CLSTN2: variants seen among roughly 807,000 people sequenced by gnomAD.
CLSTN2 encodes calsyntenin-2.
In CLSTN2, 48 loss-of-function variants were observed where a neutral mutation model predicts 101.2. That is an observed-to-expected ratio of 0.47 (90% CI 0.38 to 0.60). The LOEUF is 0.60. CLSTN2 is among the 20% of genes least tolerant of loss of function. CLSTN2 has a pLI of 0.00. For synonymous variants in CLSTN2, 481 were observed against 463.6 expected (o/e 1.04, Z -0.48); for missense variants, 1,160 against 1,238.2 (o/e 0.94, Z 0.95).
chr3:140,358,011 A>G (rs958315739), intron 2 of CLSTN2, among the ~76,000 whole-genome samples: 2 of 152,140 alleles, frequency 1.3e-5, no homozygotes, highest in African/African-American at 2.4e-5. Flanking sequence ...ACACTGAGGG[A>G]GGCTACTCAT....
chr3:140,334,008 G>A (rs1382057650), intron 2 of CLSTN2, among the ~76,000 whole-genome samples: 2 of 152,164 alleles, frequency 1.3e-5, no homozygotes, highest in African/African-American at 4.8e-5. Flanking sequence ...CTGTTGTTAT[G>A]GAAAGAGCAA....
At chr3:140,246,982 C>G (rs527738678) in intron 2 of CLSTN2, among the ~76,000 whole-genome samples, 2 of 152,086 alleles carry the variant, frequency 1.3e-5, no homozygotes, top group Non-Finnish European at 2.9e-5. Flanking sequence ...TCCTGGTGCT[C>G]AATACCTGGG....
intron 1 of CLSTN2, among the ~76,000 whole-genome samples, chr3:139,980,127 CT>C (rs1935890726): frequency 6.6e-6 from 1 of 152,088 alleles, no homozygotes; most frequent in African/African-American, 2.4e-5. Flanking sequence ...TCCTGATAGT[CT>C]CTTTGTTCCC....
At chr3:140,160,702 T>C (rs1275342682) in intron 1 of CLSTN2, among the ~76,000 whole-genome samples, 2 of 152,116 alleles carry the variant, frequency 1.3e-5, no homozygotes, top group African/African-American at 4.8e-5. Flanking sequence ...CAAAATTCTC[T>C]TGGTCAACCA....
At chr3:140,435,793 T>C (rs2088680305) in intron 5 of CLSTN2, among the ~76,000 whole-genome samples, 1 of 152,228 alleles carries the variant, frequency 6.6e-6, no homozygotes, top group East Asian at 1.9e-4. Context: ...CTCATTGCAG[T>C]TATGATTTGC....
At chr3:140,480,123 G>A (rs1277310204) in intron 8 of CLSTN2, among the ~76,000 whole-genome samples, 4 of 149,162 alleles carry the variant, frequency 2.7e-5, no homozygotes, top group Non-Finnish European at 5.9e-5. Context: ...AGGCCCCAGT[G>A]TGTGATGTTC....
chr3:140,159,925 A>G (rs1317268873), intron 1 of CLSTN2, among the ~76,000 whole-genome samples: 1 of 152,170 alleles, frequency 6.6e-6, no homozygotes, highest in African/African-American at 2.4e-5. Flanking sequence ...AAAATGAAAT[A>G]CTGTATGATC....
At chr3:140,318,042 T>C (rs1241125468) in intron 2 of CLSTN2, among the ~76,000 whole-genome samples, 1 of 152,156 alleles carries the variant, frequency 6.6e-6, no homozygotes, top group Admixed American at 6.5e-5. Context: ...ACTTTTCCCA[T>C]CTTAGATGAG....
chr3:140,153,464 G>A (rs1248217871), intron 1 of CLSTN2, among the ~76,000 whole-genome samples: 7 of 152,364 alleles, frequency 4.6e-5, no homozygotes, highest in Non-Finnish European at 8.8e-5. Context: ...TCTGGGGCAG[G>A]CCCTGCTCAC....
chr3:140,124,260 G>C (rs2009393989), intron 1 of CLSTN2, among the ~76,000 whole-genome samples: 1 of 152,162 alleles, frequency 6.6e-6, no homozygotes, highest in African/African-American at 2.4e-5. Context: ...CAATGAGCTG[G>C]AGAGGAAAGC....
intron 2 of CLSTN2, among the ~76,000 whole-genome samples, chr3:140,299,611 TA>T (rs1285000256): frequency 1.3e-5 from 2 of 152,212 alleles, no homozygotes; most frequent in Non-Finnish European, 2.9e-5. Flanking sequence ...TGTCTTCTCC[TA>T]CTGTGTTTTT....
chr3:140,429,746 TC>T, intron 5 of CLSTN2, among the ~76,000 whole-genome samples: 1 of 152,076 alleles, frequency 6.6e-6, no homozygotes, highest in Non-Finnish European at 1.5e-5. Flanking sequence ...AGTAGAGCAC[TC>T]CCCCAAAAGT....
At chr3:140,227,633 A>G (rs749455361) in intron 2 of CLSTN2, among the ~76,000 whole-genome samples, 31 of 152,196 alleles carry the variant, frequency 2.0e-4, no homozygotes, top group Non-Finnish European at 3.5e-4. Flanking sequence ...TCTCTTCTGC[A>G]TTGCCCTAGC....
intron 8 of CLSTN2, among the ~76,000 whole-genome samples, chr3:140,501,775 G>A (rs376022787): frequency 1.6e-4 from 25 of 152,270 alleles, no homozygotes; most frequent in African/African-American, 6.0e-4. Flanking sequence ...ACTGCTTAGT[G>A]GTTTAGAGCA....
At chr3:140,493,279 G>A (rs1297273154) in intron 8 of CLSTN2, among the ~76,000 whole-genome samples, 1 of 152,206 alleles carries the variant, frequency 6.6e-6, no homozygotes, top group African/African-American at 2.4e-5. Flanking sequence ...TCACACTCAA[G>A]TCAGCAAATT....
At chr3:140,234,224 A>G (rs1299272982) in intron 2 of CLSTN2, among the ~76,000 whole-genome samples, 1 of 152,200 alleles carries the variant, frequency 6.6e-6, no homozygotes, top group East Asian at 1.9e-4. Flanking sequence ...ATGTTTTTGT[A>G]AGTACTTTCA....
At chr3:140,213,574 C>G (rs547947778) in intron 2 of CLSTN2, among the ~76,000 whole-genome samples, 1 of 152,308 alleles carries the variant, frequency 6.6e-6, no homozygotes, top group Admixed American at 6.5e-5. Context: ...CCCAGAGCTG[C>G]CCAAGAAGCA....
chr3:140,191,194 G>C (rs2010561766), intron 2 of CLSTN2, among the ~76,000 whole-genome samples: 1 of 151,666 alleles, frequency 6.6e-6, no homozygotes, highest in Non-Finnish European at 1.5e-5. Context: ...ATTTTTTTTA[G>C]TTTGTTAATA....
At chr3:140,437,377 A>G (rs1334835183) in intron 5 of CLSTN2, among the ~76,000 whole-genome samples, 2 of 152,208 alleles carry the variant, frequency 1.3e-5, no homozygotes, top group African/African-American at 2.4e-5. Flanking sequence ...AGCCTCACAC[A>G]TGCTGAATCT....
Sources: allele counts gnomAD v4.1 joint callset (sites outside exome capture counted in the v4.1 genomes callset), GRCh38; gene constraint gnomAD v4.1.1; transcripts MANE v1.5; gene names NCBI Gene and HGNC (gene_info 2026-07-23, HGNC 2026-07-21).